Variants in NUSAP1 observed in about 807,000 individuals in gnomAD.
NUSAP1 encodes nucleolar and spindle-associated protein 1.
Under a neutral mutation model 52.8 loss-of-function variants are expected in NUSAP1, and 32 were observed. The observed-to-expected ratio is 0.61, with a 90% CI of 0.46 to 0.81. NUSAP1 has a LOEUF of 0.81. Ranked by LOEUF, NUSAP1 falls within the 40% of genes least tolerant of loss-of-function variation. The probability of loss-of-function intolerance (pLI) is 0.00; values close to 1 mark genes in which losing one functional copy is unlikely to be tolerated. For synonymous variants in NUSAP1, 195 were observed against 183.1 expected (o/e 1.06, Z -0.52); for missense variants, 499 against 522.3 (o/e 0.96, Z 0.43).
At chr15:41,371,383 C>A (rs2049680933) in intron 7 of NUSAP1, 144 bp from the exon 8 acceptor site, 1 of 573,018 alleles carries the variant, frequency 1.7e-6, no homozygotes, top group Non-Finnish European at 2.9e-6. Flanking sequence ...TATGTCTCTT[C>A]TGCAAAAGAG....
Position 41,351,082 on chromosome 15 carries a change from CT to C in NUSAP1, c.403del (p.Ser135LeufsTer82), listed in dbSNP as rs778622787. 2.5e-6 allele frequency: 4 copies of C among 1,613,642 alleles called. No homozygotes were observed. Among genetic ancestry groups the C allele is most frequent in the Admixed American group, 3.3e-5 (2 of 59,954 alleles). ...SQDLRATAKV[P>X]SPPDEHQEAE... ...GATCTCAGAGCTACTGCAAAAGTTC[CT>C]TCTCCACCAGACGAGCACCAAGAAG... On this transcript the variant is annotated frameshift_variant, in exon 4 of 11. Transcript: ENST00000559596. LOFTEE classifies it high-confidence loss of function.
chr15:41,375,728 GTTGACA>G lies in NUSAP1; in HGVS notation c.1024_1029del (p.Leu342_Thr343del). On this transcript the variant is annotated inframe_deletion, in exon 9 of 11. Coordinates refer to ENST00000559596, the MANE Select transcript of NUSAP1 (RefSeq NM_016359.5). ...TGTTTTTAGTTATTACCCCATTCAA[GTTGACA>G]ACTGAGGCAACGCAGACTCCAGTCT... is the stretch of plus-strand genomic sequence containing the variant. 6.2e-7 allele frequency: 1 copy of G among 1,612,844 alleles called. No individual in the cohort carries two copies. Among genetic ancestry groups the G allele is most frequent in the Non-Finnish European group, 8.5e-7 (1 of 1,178,924 alleles).
intron 10 of NUSAP1, among the ~76,000 whole-genome samples, chr15:41,379,821 T>C (rs2050137070): frequency 6.6e-6 from 1 of 152,134 alleles, no homozygotes; most frequent in South Asian, 2.1e-4. Context: ...TGCTGGGATT[T>C]CAGGCATGAG....
At chr15:41,367,939 GC>G (rs2049488590) in intron 7 of NUSAP1, among the ~76,000 whole-genome samples, 1 of 152,094 alleles carries the variant, frequency 6.6e-6, no homozygotes, top group Non-Finnish European at 1.5e-5. Flanking sequence ...TCAAATCTTA[GC>G]TTTTTTCTGT....
chr15:41,344,699 G>A (rs748297601), intron 2 of NUSAP1, among the ~76,000 whole-genome samples: 12 of 151,978 alleles, frequency 7.9e-5, no homozygotes, highest in East Asian at 1.9e-4. Flanking sequence ...CCAGCACTTC[G>A]GAAGGCCAAG....
Position 41,377,288 on chromosome 15 carries a change from C to T in NUSAP1, c.1216C>T (p.Pro406Ser). Residue 406 changes from proline to serine, a missense_variant, in exon 10 of 11, where the codon CCC becomes TCC. Transcript: ENST00000559596. ...CTTCTACAAGAAAACTTACAAACAA[C>T]CCCATCTCCAGACAAAGTAAGTACA... ...INFYKKTYKQ[P>S]HLQTKEEQRK... The T allele has an allele frequency of 2.0e-6, 3 of 1,489,096 alleles. No homozygotes were observed. The highest frequency in any genetic ancestry group is 2.5e-5 in the East Asian group (1 of 40,720). 92.2% of individuals were successfully genotyped at this position (1,489,096 alleles called of 1,614,324 possible).
At chr15:41,378,701 C>T (rs1300277644) in intron 10 of NUSAP1, among the ~76,000 whole-genome samples, 1 of 151,806 alleles carries the variant, frequency 6.6e-6, no homozygotes, top group Non-Finnish European at 1.5e-5. Flanking sequence ...ACCCGGGAGG[C>T]GGAGGTTGTG....
In NUSAP1 at chr15:41,377,292, A is replaced by G. The variant is rs534890165; in HGVS notation, c.1220A>G (p.His407Arg). ...TACAAGAAAACTTACAAACAACCCC[A>G]TCTCCAGACAAAGTAAGTACATAAT... ...NFYKKTYKQP[H>R]LQTKEEQRKK... is the part of the protein sequence containing the mutation. Residue 407 changes from histidine to arginine, a missense_variant, in exon 10 of 11, where the codon CAT (histidine) becomes CGT (arginine). His to Arg is a conservative substitution (Grantham distance 29). Transcript: ENST00000559596. 1.3e-5 allele frequency: 19 copies of G among 1,471,450 alleles called. No homozygotes were observed. In the East Asian group the frequency reaches 4.2e-4, roughly 32 times the overall value. The allele number at this position is 1,471,450 out of a possible 1,614,324, so 91.1% of individuals were successfully genotyped here.
At chr15:41,351,225 G>C in intron 4 of NUSAP1, 96 bp downstream of exon 4, 2 of 1,262,004 alleles carry the variant, frequency 1.6e-6, no homozygotes, top group Non-Finnish European at 2.2e-6. Context: ...TTGTGACAAA[G>C]CACCACAACT....
At chr15:41,360,708 C>A (rs981962114) in intron 6 of NUSAP1, among the ~76,000 whole-genome samples, 6 of 152,044 alleles carry the variant, frequency 3.9e-5, no homozygotes, top group Non-Finnish European at 8.8e-5. Flanking sequence ...CCACCCACCT[C>A]AGCCTCCCAA....
At chr15:41,351,393 T>C (rs1295986318) in intron 4 of NUSAP1, among the ~76,000 whole-genome samples, 1 of 152,194 alleles carries the variant, frequency 6.6e-6, no homozygotes, top group African/African-American at 2.4e-5. Context: ...TGGTGTTCCT[T>C]GGCTTGCAGC....
intron 1 of NUSAP1, among the ~76,000 whole-genome samples, chr15:41,337,935 T>TC (rs1377017818): frequency 2.8e-5 from 4 of 140,988 alleles, no homozygotes; most frequent in Admixed American, 1.4e-4. Context: ...TTTTTTCTTT[T>TC]TTTTTTTTTT....
chr15:41,371,766 T>G (rs773456449), intron 8 of NUSAP1, 82 bp downstream of exon 8: 28 of 1,461,026 alleles, frequency 1.9e-5, no homozygotes, highest in Non-Finnish European at 2.5e-5. Flanking sequence ...TATCTGTTTT[T>G]TTTGTTTGTT....
In NUSAP1 at chr15:41,365,590, G is replaced by A. The variant is rs2049367308; in HGVS notation, c.848+1G>A. On this transcript the variant is annotated splice_donor_variant, in intron 7 of 10. Transcript: ENST00000559596. LOFTEE classifies it high-confidence loss of function. ...TCTCTGCAGCTAAAACGGGTGTCAG[G>A]TAAAGAAATCACTCCAAAATGTAAT... The A allele has an allele frequency of 1.3e-6, 2 of 1,584,676 alleles. No homozygotes were observed. The highest frequency in any genetic ancestry group is 1.7e-6 in the Non-Finnish European group (2 of 1,161,074).
chr15:41,350,859 C>T, intron 3 of NUSAP1, 129 bp from the exon 4 acceptor site: 1 of 748,474 alleles, frequency 1.3e-6, no homozygotes, highest in South Asian at 2.0e-5. Context: ...ACCAAATCTG[C>T]CACCAAAAAT....
intron 2 of NUSAP1, chr15:41,344,227 A>C (rs1198740236): frequency 6.6e-6 from 1 of 151,968 alleles, no homozygotes; most frequent in African/African-American, 2.4e-5. Context: ...AAAAAAAAAA[A>C]AAAAAGAAAC....
chr15:41,335,272 A>ATATT (rs10635011), intron 1 of NUSAP1, among the ~76,000 whole-genome samples: 54,883 of 145,244 alleles, frequency 0.38, 11,415 homozygotes, highest in African/African-American at 0.56. Flanking sequence ...AGTATATACT[A>ATATT]TATATATTAT....
chr15:41,347,287 A>C (rs1392838718), intron 2 of NUSAP1, among the ~76,000 whole-genome samples: 6 of 152,226 alleles, frequency 3.9e-5, no homozygotes. Context: ...ATAGTGAAAT[A>C]GACATCTGGT....
intron 10 of NUSAP1, 68 bp downstream of exon 10, chr15:41,377,372 G>C: frequency 1.2e-6 from 1 of 820,570 alleles, no homozygotes; most frequent in Non-Finnish European, 1.9e-6. Context: ...AGGGATAGGG[G>C]CTCAGTAATA....
Sources: gnomAD v4.1 joint callset for allele counts (sites outside exome capture counted in the v4.1 genomes callset) on GRCh38, gnomAD v4.1.1 for gene constraint, MANE v1.5 for transcripts, NCBI Gene and HGNC (gene_info 2026-07-23, HGNC 2026-07-21) for gene names.